CNTN4: variants seen among roughly 807,000 people sequenced by gnomAD.
CNTN4 encodes contactin-4.
CNTN4 carries 77 observed loss-of-function variants against 122.5 expected under a neutral mutation model. The ratio of observed to expected loss-of-function variants is 0.63; its 90% CI spans 0.52 to 0.76. The LOEUF (loss-of-function observed/expected upper bound fraction) is 0.76. Among genes scored for constraint, CNTN4 ranks in the 30% least tolerant of loss-of-function variants. The probability of loss-of-function intolerance (pLI) is 0.00; values close to 1 mark genes in which losing one functional copy is unlikely to be tolerated. For missense variants in CNTN4, 1,256 were observed against 1,259.1 expected, an observed-to-expected ratio of 1.00 and a Z score of 0.04; for synonymous variants, 512 against 447.0, an observed-to-expected ratio of 1.15 and a Z score of -1.83.
intron 3 of CNTN4, among the ~76,000 whole-genome samples, chr3:2,491,045 G>A (rs2076302278): frequency 6.6e-6 from 1 of 152,118 alleles, no homozygotes; most frequent in African/African-American, 2.4e-5. Flanking sequence ...CAGGAGGGTA[G>A]AATCTTCTAC....
intron 2 of CNTN4, among the ~76,000 whole-genome samples, chr3:2,254,945 C>T (rs1167686641): frequency 1.3e-5 from 2 of 152,168 alleles, no homozygotes; most frequent in East Asian, 1.9e-4. Context: ...GTGTTTTAGT[C>T]ATGAAGTCTT....
intron 3 of CNTN4, among the ~76,000 whole-genome samples, chr3:2,430,637 AT>A (rs2048034206): frequency 6.7e-6 from 1 of 150,058 alleles, no homozygotes; most frequent in Non-Finnish European, 1.5e-5. Context: ...AAAAAAAAAA[AT>A]TCTGTGTTCA....
chr3:2,681,209 A>G (rs1054518223), intron 4 of CNTN4, among the ~76,000 whole-genome samples: 1 of 152,224 alleles, frequency 6.6e-6, no homozygotes, highest in African/African-American at 2.4e-5. Context: ...ACAATCTCAG[A>G]TAATAGTTCT....
intron 2 of CNTN4, among the ~76,000 whole-genome samples, chr3:2,180,812 CAG>C (rs1455867454): frequency 6.6e-6 from 1 of 152,060 alleles, no homozygotes; most frequent in African/African-American, 2.4e-5. Context: ...ATTGTAGTTA[CAG>C]AGGAAATTTA....
intron 6 of CNTN4, among the ~76,000 whole-genome samples, chr3:2,769,413 C>T (rs534016649): frequency 2.7e-5 from 4 of 148,428 alleles, no homozygotes; most frequent in African/African-American, 5.0e-5. Flanking sequence ...TGCCATGAGC[C>T]GAGATTGTGC....
chr3:2,760,317 T>G (rs1439140028), intron 6 of CNTN4, among the ~76,000 whole-genome samples: 1 of 152,354 alleles, frequency 6.6e-6, no homozygotes, highest in East Asian at 1.9e-4. Context: ...GCTGTTAAAT[T>G]TAGCTCTATC....
intron 6 of CNTN4, among the ~76,000 whole-genome samples, chr3:2,804,621 A>T (rs749769018): frequency 9.9e-5 from 15 of 152,216 alleles, no homozygotes; most frequent in Non-Finnish European, 1.8e-4. Context: ...GCTAACATAC[A>T]ACTAAGCAAG....
intron 2 of CNTN4, among the ~76,000 whole-genome samples, chr3:2,273,736 C>T (rs1184718200): frequency 1.3e-5 from 2 of 152,018 alleles, no homozygotes; most frequent in African/African-American, 4.8e-5. Context: ...TATGTTGAAC[C>T]AAAAACAAAA....
At chr3:2,148,401 G>A (rs1188428783) in intron 2 of CNTN4, among the ~76,000 whole-genome samples, 1 of 151,888 alleles carries the variant, frequency 6.6e-6, no homozygotes. Context: ...TAGCCTTGGT[G>A]GTGTGTGCCT....
At chr3:2,807,130 C>T (rs1276832273) in intron 6 of CNTN4, among the ~76,000 whole-genome samples, 2 of 152,132 alleles carry the variant, frequency 1.3e-5, no homozygotes, top group East Asian at 1.9e-4. Flanking sequence ...CGATAGTAGG[C>T]ATACTGTAGG....
chr3:2,938,993 A>G (rs1262275381), intron 13 of CNTN4, among the ~76,000 whole-genome samples: 2 of 152,244 alleles, frequency 1.3e-5, no homozygotes, highest in Non-Finnish European at 2.9e-5. Flanking sequence ...GAGACAAGGC[A>G]GATGATTTGG....
intron 12 of CNTN4, among the ~76,000 whole-genome samples, chr3:2,910,467 A>T (rs1016428847): frequency 6.6e-6 from 1 of 152,206 alleles, no homozygotes; most frequent in Non-Finnish European, 1.5e-5. Flanking sequence ...CTTCTCTCTT[A>T]AAAGAAGAAA....
intron 7 of CNTN4, among the ~76,000 whole-genome samples, chr3:2,855,920 T>A (rs2093613240): frequency 6.6e-6 from 1 of 152,216 alleles, no homozygotes; most frequent in South Asian, 2.1e-4. Context: ...AAAACATGTA[T>A]TTTGATAGTC....
chr3:2,623,613 G>A (rs951960721), intron 4 of CNTN4, among the ~76,000 whole-genome samples: 1 of 152,252 alleles, frequency 6.6e-6, no homozygotes, highest in Non-Finnish European at 1.5e-5. Flanking sequence ...TAGGAGAGAG[G>A]GTTGTGTGGC....
chr3:2,170,156 C>A (rs1226964077), intron 2 of CNTN4, among the ~76,000 whole-genome samples: 2 of 149,754 alleles, frequency 1.3e-5, no homozygotes, highest in African/African-American at 5.0e-5. Context: ...CCCGTCTCTA[C>A]TAAAAATACA....
intron 3 of CNTN4, among the ~76,000 whole-genome samples, chr3:2,523,375 A>AC (rs1476859968): frequency 3.3e-5 from 5 of 151,368 alleles, no homozygotes; most frequent in South Asian, 2.1e-4. Flanking sequence ...AAAAAAAACA[A>AC]AACTTTTTTC....
chr3:2,265,877 C>A (rs2041023443), intron 2 of CNTN4, among the ~76,000 whole-genome samples: 1 of 151,730 alleles, frequency 6.6e-6, no homozygotes, highest in African/African-American at 2.4e-5. Flanking sequence ...TTGATCTCTG[C>A]TAGTGTACTG....
chr3:2,564,763 A>C (rs2079089214), intron 3 of CNTN4, among the ~76,000 whole-genome samples: 1 of 152,140 alleles, frequency 6.6e-6, no homozygotes, highest in East Asian at 1.9e-4. Flanking sequence ...AAGGTCCAAC[A>C]TCAAAGGTAG....
At chr3:2,339,809 A>G (rs139679934) in intron 3 of CNTN4, among the ~76,000 whole-genome samples, 302 of 152,354 alleles carry the variant, frequency 2.0e-3, no homozygotes, top group African/African-American at 5.2e-3. Flanking sequence ...GCTTAAAACA[A>G]TGGAAACTTA....
Sources: gnomAD v4.1 joint callset for allele counts (sites outside exome capture counted in the v4.1 genomes callset) on GRCh38, gnomAD v4.1.1 for gene constraint, MANE v1.5 for transcripts, NCBI Gene and HGNC (gene_info 2026-07-23, HGNC 2026-07-21) for gene names.